The following SCML4 variants were observed in gnomAD, a reference collection of about 807,000 sequenced individuals.
The protein encoded by SCML4 is sex comb on midleg-like protein 4.
In SCML4, 34 loss-of-function variants were observed where a neutral mutation model predicts 41.1. The observed-to-expected ratio is 0.83, with a 90% CI of 0.63 to 1.10. SCML4 has a LOEUF of 1.10. Ranked by LOEUF, SCML4 falls within the 50% of genes least tolerant of loss-of-function variation. The pLI, the probability that SCML4 is intolerant of heterozygous loss-of-function variation, is 0.00. For missense variants in SCML4, 522 were observed against 534.1 expected (o/e 0.98, Z 0.22); for synonymous variants, 214 against 220.9 (o/e 0.97, Z 0.28).
At chr6:107,726,417 C>G (rs1775976853) in intron 5 of SCML4, among the ~76,000 whole-genome samples, 1 of 151,004 alleles carries the variant, frequency 6.6e-6, no homozygotes, top group Non-Finnish European at 1.5e-5. Context: ...CCTGTAGTCC[C>G]AGCTACTCGG....
chr6:107,746,774 G>A lies in SCML4; in HGVS notation c.402C>T (p.Ala134=), dbSNP rs1308775086. The change falls in exon 4 of 8, where the codon GCC becomes GCT. Residue 134 remains alanine (A), a synonymous_variant. Coordinates refer to ENST00000369020, the MANE Select transcript of SCML4 (RefSeq NM_198081.5). ...PERPSAVLQQ[A]VQACIDCAHQ... is the part of the protein sequence containing the mutation. Reference sequence around the variant, plus strand: ...GGGCGCAGTCGATGCAGGCTTGGACGGCCTGCTGCAGCACCGCCGATGGCC... The same window carrying A: ...GGGCGCAGTCGATGCAGGCTTGGACAGCCTGCTGCAGCACCGCCGATGGCC... 5.6e-6 allele frequency: 9 copies of A among 1,613,752 alleles called. No homozygotes were observed. The highest frequency in any genetic ancestry group is 2.2e-5 in the East Asian group (1 of 44,902).
chr6:107,708,106 T>A, intron 6 of SCML4, 95 bp from the exon 7 acceptor site: 1 of 1,396,362 alleles, frequency 7.2e-7, no homozygotes, highest in Non-Finnish European at 9.7e-7. Context: ...GGAAGGGGGA[T>A]CCTCAGTGCC....
chr6:107,757,293 A>G (rs1457935502), intron 2 of SCML4, among the ~76,000 whole-genome samples: 2 of 152,354 alleles, frequency 1.3e-5, no homozygotes, highest in South Asian at 2.1e-4. Context: ...TGTGCGGTCA[A>G]GAGCACACTA....
At chr6:107,726,155 A>G (rs1775941512) in intron 5 of SCML4, among the ~76,000 whole-genome samples, 1 of 151,952 alleles carries the variant, frequency 6.6e-6, no homozygotes, top group Admixed American at 6.6e-5. Context: ...TGCAAATTAT[A>G]TATTTGATCA....
chr6:107,723,478 C>T (rs1775640527), intron 5 of SCML4, among the ~76,000 whole-genome samples: 1 of 152,038 alleles, frequency 6.6e-6, no homozygotes, highest in African/African-American at 2.4e-5. Flanking sequence ...TTCACACCAC[C>T]ATAAAGTGAA....
intron 1 of SCML4, among the ~76,000 whole-genome samples, chr6:107,816,807 G>A (rs1251002757): frequency 6.6e-6 from 1 of 152,196 alleles, no homozygotes; most frequent in Non-Finnish European, 1.5e-5. Flanking sequence ...TATTGTTTCA[G>A]TTGTCATTTT....
At chr6:107,739,783 A>T (rs1338284616) in intron 5 of SCML4, among the ~76,000 whole-genome samples, 1 of 152,240 alleles carries the variant, frequency 6.6e-6, no homozygotes, top group Non-Finnish European at 1.5e-5. Context: ...AACTTTGACA[A>T]GGCGATCTTA....
intron 1 of SCML4, among the ~76,000 whole-genome samples, chr6:107,776,802 T>G (rs1009236448): frequency 1.3e-5 from 2 of 152,184 alleles, no homozygotes; most frequent in African/African-American, 2.4e-5. Flanking sequence ...TTTGTAATAG[T>G]GAAATACTGA....
intron 1 of SCML4, among the ~76,000 whole-genome samples, chr6:107,815,513 G>A (rs1784498243): frequency 6.6e-6 from 1 of 152,180 alleles, no homozygotes; most frequent in Non-Finnish European, 1.5e-5. Flanking sequence ...AATTCCAAGA[G>A]TTGTGTATCA....
Position 107,772,025 on chromosome 6 carries a change from C to T in SCML4, c.156+147G>A, listed in dbSNP as rs1365031773. The T allele has an allele frequency of 2.2e-5, 14 of 638,614 alleles. No individual in the cohort carries two copies. The South Asian group carries it at 3.1e-4, about 14-fold the overall frequency. 39.6% of individuals were successfully genotyped at this position (638,614 alleles called of 1,614,324 possible). A position where few individuals can be genotyped will look rare whatever the true frequency, so the allele number is the denominator to read the frequency against. Reference sequence around the variant, plus strand: ...CATGTTGTAACAGTGAGACCTCATCCGTCACATACTTCACCGAGGGAGGCT... The same window carrying T: ...CATGTTGTAACAGTGAGACCTCATCTGTCACATACTTCACCGAGGGAGGCT... On this transcript the variant is annotated intron_variant, in intron 2 of 7. Transcript: ENST00000369020.
intron 1 of SCML4, among the ~76,000 whole-genome samples, chr6:107,777,655 A>G (rs1583559730): frequency 6.6e-6 from 1 of 152,154 alleles, no homozygotes; most frequent in Non-Finnish European, 1.5e-5. Context: ...TCAATCAGCA[A>G]AAATATCAGA....
intron 1 of SCML4, among the ~76,000 whole-genome samples, chr6:107,802,014 G>T (rs969205649): frequency 2.6e-5 from 4 of 151,370 alleles, no homozygotes; most frequent in African/African-American, 9.7e-5. Flanking sequence ...CTCATGATCT[G>T]CCCGCCTCTG....
intron 2 of SCML4, among the ~76,000 whole-genome samples, chr6:107,755,398 A>G (rs1175764466): frequency 6.6e-6 from 1 of 152,248 alleles, no homozygotes; most frequent in East Asian, 1.9e-4. Flanking sequence ...TTGACTTAGC[A>G]TTCAGAAATT....
At chr6:107,706,421 T>C (rs1050177998) in intron 7 of SCML4, among the ~76,000 whole-genome samples, 1 of 152,210 alleles carries the variant, frequency 6.6e-6, no homozygotes, top group Admixed American at 6.5e-5. Flanking sequence ...AAAAGGCAAG[T>C]GCTGAGTTAG....
chr6:107,773,204 C>T (rs952157361), intron 1 of SCML4, among the ~76,000 whole-genome samples: 3 of 152,144 alleles, frequency 2.0e-5, no homozygotes, highest in African/African-American at 4.8e-5. Context: ...GCAAAGATGG[C>T]AGGACTATGG....
the SCML4 span, among the ~76,000 whole-genome samples, chr6:107,833,943 A>C: frequency 6.6e-6 from 1 of 152,128 alleles, no homozygotes; most frequent in Non-Finnish European, 1.5e-5. Context: ...ATATGATGTA[A>C]AGTTGTTGGA....
chr6:107,797,808 A>G (rs1782818919), intron 1 of SCML4, among the ~76,000 whole-genome samples: 1 of 151,950 alleles, frequency 6.6e-6, no homozygotes, highest in Non-Finnish European at 1.5e-5. Flanking sequence ...TATTCTTAGT[A>G]TCCTAAGAGG....
chr6:107,761,166 A>G (rs1779555951), intron 2 of SCML4, among the ~76,000 whole-genome samples: 1 of 152,198 alleles, frequency 6.6e-6, no homozygotes, highest in African/African-American at 2.4e-5. Flanking sequence ...AATGGAAAGG[A>G]GATTATATTT....
chr6:107,839,933 TATA>T, the SCML4 span, among the ~76,000 whole-genome samples: 26 of 152,076 alleles, frequency 1.7e-4, no homozygotes, highest in Non-Finnish European at 3.5e-4. Context: ...TTTTAAAATA[TATA>T]ATAAAATTTA....
Sources: gnomAD v4.1 joint callset for allele counts (sites outside exome capture counted in the v4.1 genomes callset) on GRCh38, gnomAD v4.1.1 for gene constraint, MANE v1.5 for transcripts, NCBI Gene and HGNC (gene_info 2026-07-23, HGNC 2026-07-21) for gene names.